The following ZC3H15 variants were observed in gnomAD, a reference collection of about 807,000 sequenced individuals.
ZC3H15 encodes the protein zinc finger CCCH-type containing 15, also known as zinc finger CCCH domain-containing protein 15.
Under a neutral mutation model 51.2 loss-of-function variants are expected in ZC3H15, and 15 were observed. The ratio of observed to expected loss-of-function variants is 0.29; its 90% CI spans 0.20 to 0.45. ZC3H15 has a LOEUF of 0.45. ZC3H15 is among the 20% of genes least tolerant of loss of function. The probability of loss-of-function intolerance (pLI) is 1.00; values close to 1 mark genes in which losing one functional copy is unlikely to be tolerated. For missense variants in ZC3H15, 381 were observed against 494.7 expected, an observed-to-expected ratio of 0.77 and a Z score of 2.18; for synonymous variants, 144 against 162.8, an observed-to-expected ratio of 0.88 and a Z score of 0.88.
At chr2:186,498,965 A>T (rs567654112) in intron 2 of ZC3H15, among the ~76,000 whole-genome samples, 1 of 152,190 alleles carries the variant, frequency 6.6e-6, no homozygotes, top group African/African-American at 2.4e-5. Flanking sequence ...CTTTGTAAGC[A>T]TCTTGCACTC....
intron 2 of ZC3H15, among the ~76,000 whole-genome samples, chr2:186,499,930 G>C (rs1046218450): frequency 6.6e-6 from 1 of 152,178 alleles, no homozygotes; most frequent in Admixed American, 6.6e-5. Context: ...AAAATGCTGA[G>C]CATGTAGTAA....
chr2:186,486,281 G>C lies in ZC3H15; in HGVS notation c.-102G>C, dbSNP rs576747648. ...GAGCGACTCGCTTTCCGTGCGGTGC[G>C]GCGAGTGAGGCCCCGGTCTTCCTCC... On this transcript the variant is annotated 5_prime_UTR_variant, in exon 1 of 10. Coordinates refer to ENST00000337859, the MANE Select transcript of ZC3H15 (RefSeq NM_018471.3). The C allele has an allele frequency of 7.9e-7, 1 of 1,268,660 alleles. No individual in the cohort carries two copies. Among genetic ancestry groups the C allele is most frequent in the Non-Finnish European group, 1.0e-6 (1 of 961,494 alleles). The allele number at this position is 1,268,660 out of a possible 1,614,324, so 78.6% of individuals were successfully genotyped here.
chr2:186,505,935 C>T (rs539333251), intron 8 of ZC3H15, 94 bp downstream of exon 8: 7 of 1,330,250 alleles, frequency 5.3e-6, no homozygotes, highest in Non-Finnish European at 6.4e-6. Flanking sequence ...ACATCAGAGC[C>T]ACAGTGCCTG....
intron 3 of ZC3H15, among the ~76,000 whole-genome samples, 189 bp from the exon 4 acceptor site, chr2:186,501,084 A>G (rs1685375081): frequency 1.3e-5 from 2 of 152,234 alleles, no homozygotes; most frequent in South Asian, 4.1e-4. Context: ...AATAAAAGAA[A>G]CAAAAGTAGA....
chr2:186,504,422 G>A (rs1290207180), intron 6 of ZC3H15, among the ~76,000 whole-genome samples: 1 of 152,126 alleles, frequency 6.6e-6, no homozygotes, highest in African/African-American at 2.4e-5. Flanking sequence ...TTAATTTTAG[G>A]ATTGTGAAAC....
chr2:186,508,970 A>C lies in ZC3H15; in HGVS notation c.*237A>C. On this transcript the variant is annotated 3_prime_UTR_variant, in exon 10 of 10. Coordinates refer to ENST00000337859, the MANE Select transcript of ZC3H15 (RefSeq NM_018471.3). The stretch of plus-strand genomic sequence containing the variant: ...TGAAAATATAATGGTCATTGCAGAA[A>C]ATGATTGATGTTGTAACTGTCCACC... The C allele has an allele frequency of 6.6e-6, 4 of 608,330 alleles. No individual in the cohort carries two copies. The highest frequency in any genetic ancestry group is 1.2e-5 in the Non-Finnish European group (4 of 329,132). The allele number at this position is 608,330 out of a possible 1,614,324, so 37.7% of individuals were successfully genotyped here.
At chr2:186,490,837 T>C (rs1685186032) in intron 1 of ZC3H15, among the ~76,000 whole-genome samples, 1 of 152,188 alleles carries the variant, frequency 6.6e-6, no homozygotes, top group Non-Finnish European at 1.5e-5. Context: ...CTTTCGAGAC[T>C]CCTCTGTATT....
Position 186,486,517 on chromosome 2 carries a change from T to G in ZC3H15, c.75+60T>G. 3 of 1,493,030 alleles carry G rather than the reference T, an allele frequency of 2.0e-6. No individual in the cohort carries two copies. The South Asian group carries it at 4.0e-5, about 20-fold the overall frequency. 92.5% of individuals were successfully genotyped at this position (1,493,030 alleles called of 1,614,324 possible). ...GCCCTCCGGAAAGCCACTTCCCCGC[T>G]CCGGGCTTCCCTGGGAGCCGGCTCG... On this transcript the variant is annotated intron_variant, in intron 1 of 9. Coordinates refer to ENST00000337859, the MANE Select transcript of ZC3H15 (RefSeq NM_018471.3).
At chr2:186,487,843 T>A (rs1395481867) in intron 1 of ZC3H15, among the ~76,000 whole-genome samples, 1 of 152,248 alleles carries the variant, frequency 6.6e-6, no homozygotes, top group Non-Finnish European at 1.5e-5. Context: ...TTATACTTCA[T>A]GCATTGTAGA....
intron 1 of ZC3H15, chr2:186,487,167 T>C (rs1359722498): frequency 6.6e-6 from 1 of 152,180 alleles, no homozygotes; most frequent in East Asian, 1.9e-4. Flanking sequence ...TACATCTATG[T>C]GTGTGTATAT....
At chr2:186,488,569 A>G (rs1436729602) in intron 1 of ZC3H15, 1 of 152,192 alleles carries the variant, frequency 6.6e-6, no homozygotes. Context: ...TTTTGTGTTT[A>G]GTGTCTCTCT....
chr2:186,496,492 A>G (rs1043315260), intron 2 of ZC3H15, among the ~76,000 whole-genome samples: 1 of 152,248 alleles, frequency 6.6e-6, no homozygotes, highest in African/African-American at 2.4e-5. Flanking sequence ...GTGAGCCACC[A>G]TGCCCAGACT....
chr2:186,486,603 CCTGATGACGCTAG>C, intron 1 of ZC3H15, 146 bp downstream of exon 1: 1 of 780,240 alleles, frequency 1.3e-6, no homozygotes, highest in East Asian at 3.2e-5. Context: ...TTCTCCAGCC[CCTGATGACGCTAG>C]CTCTCTCATT....
chr2:186,505,690 G>T (rs1407498366), intron 7 of ZC3H15, 50 bp from the exon 8 acceptor site: 1 of 1,607,254 alleles, frequency 6.2e-7, no homozygotes, highest in Non-Finnish European at 8.5e-7. Flanking sequence ...TCAGTGACAA[G>T]GAATGTTTAG....
intron 1 of ZC3H15, among the ~76,000 whole-genome samples, chr2:186,492,745 A>C (rs765335678): frequency 6.6e-6 from 1 of 152,154 alleles, no homozygotes; most frequent in Non-Finnish European, 1.5e-5. Context: ...TAGCTTGTCC[A>C]CGTGGTGGTA....
intron 9 of ZC3H15, among the ~76,000 whole-genome samples, chr2:186,508,327 G>A (rs11903027): frequency 0.27 from 41,140 of 152,048 alleles, 5,831 homozygotes; most frequent in Non-Finnish European, 0.3. Flanking sequence ...TAGTCAAATG[G>A]CTACAGTGAA....
At chr2:186,503,101 A>G (rs1303741362) in intron 5 of ZC3H15, among the ~76,000 whole-genome samples, 2 of 152,200 alleles carry the variant, frequency 1.3e-5, no homozygotes, top group African/African-American at 4.8e-5. Context: ...TTATGTCTAT[A>G]TTTATAGTGA....
chr2:186,506,816 C>T lies in ZC3H15; in HGVS notation c.1070C>T (p.Thr357Ile). ...GTAGCCAGTCTTGAAAGATTCAGCACATATACTTCAGATAAAGATGGTAAG... is the reference window on the plus strand; with the variant it reads ...GTAGCCAGTCTTGAAAGATTCAGCATATATACTTCAGATAAAGATGGTAAG... The part of the protein sequence containing the change: ...ITVASLERFS[T>I]YTSDKDENKL... Residue 357 changes from threonine (T) to isoleucine (I), a missense_variant, in exon 9 of 10, where the codon ACA (threonine) becomes ATA (isoleucine). Coordinates refer to ENST00000337859, the MANE Select transcript of ZC3H15 (RefSeq NM_018471.3). The T allele has an allele frequency of 6.2e-7, 1 of 1,611,978 alleles. No individual in the cohort carries two copies. The highest frequency in any genetic ancestry group is 1.3e-5 in the African/African-American group (1 of 74,892).
chr2:186,497,759 C>G (rs1559009862), intron 2 of ZC3H15, among the ~76,000 whole-genome samples: 1 of 152,218 alleles, frequency 6.6e-6, no homozygotes. Flanking sequence ...AATTCATAAA[C>G]CTGGGAAAGT....
Sources: allele counts gnomAD v4.1 joint callset (sites outside exome capture counted in the v4.1 genomes callset), GRCh38; gene constraint gnomAD v4.1.1; transcripts MANE v1.5; gene names NCBI Gene and HGNC (gene_info 2026-07-23, HGNC 2026-07-21).